PRKD1: variants seen among roughly 807,000 people sequenced by gnomAD.
PRKD1 encodes serine/threonine-protein kinase D1.
A neutral mutation model predicts 95.9 loss-of-function variants in PRKD1; 63 were observed. The observed-to-expected ratio is 0.66, with a 90% CI of 0.54 to 0.81. The LOEUF (loss-of-function observed/expected upper bound fraction) is 0.81. PRKD1 is among the 30% of genes least tolerant of loss of function. PRKD1 has a pLI of 0.00. For missense variants in PRKD1, 1,048 were observed against 1,165.3 expected (o/e 0.90, Z 1.47); for synonymous variants, 425 against 423.1 (o/e 1.00, Z -0.05).
At chr14:29,812,640 T>C (rs1454735352) in intron 1 of PRKD1, among the ~76,000 whole-genome samples, 2 of 152,098 alleles carry the variant, frequency 1.3e-5, no homozygotes, top group East Asian at 1.9e-4. Flanking sequence ...AAAAGTACCA[T>C]GTATAAAACC....
chr14:29,693,352 G>T (rs901522100), intron 2 of PRKD1, among the ~76,000 whole-genome samples: 2 of 151,972 alleles, frequency 1.3e-5, no homozygotes, highest in Non-Finnish European at 2.9e-5. Flanking sequence ...ATTCTTTGCT[G>T]CAAGTTTGGG....
chr14:29,899,065 T>C (rs955454181), intron 1 of PRKD1, among the ~76,000 whole-genome samples: 1 of 152,244 alleles, frequency 6.6e-6, no homozygotes, highest in Admixed American at 6.5e-5. Context: ...AAAATATTTA[T>C]ATCAAGATTA....
Position 29,626,468 on chromosome 14 carries a change from C to G in PRKD1, c.1798+16G>C. ...AAAATTTTAAGTTCATAAAAATACT[C>G]AGTGAGATAACCTACCTCCATAAAC... On this transcript the variant is annotated intron_variant, in intron 12 of 17. Coordinates refer to ENST00000331968, the MANE Select transcript of PRKD1 (RefSeq NM_002742.3). 6.3e-7 allele frequency: 1 copy of G among 1,592,484 alleles called. No individual in the cohort carries two copies. Among genetic ancestry groups the G allele is most frequent in the Admixed American group, 1.7e-5 (1 of 57,298 alleles).
intron 1 of PRKD1, among the ~76,000 whole-genome samples, chr14:29,876,982 T>C (rs1893319718): frequency 6.6e-6 from 1 of 152,224 alleles, no homozygotes; most frequent in Non-Finnish European, 1.5e-5. Flanking sequence ...TGAAACCCCG[T>C]GTCTACTAAA....
Position 29,804,266 on chromosome 14 carries a change from C to A in PRKD1, c.265-78592G>T, listed in dbSNP as rs1284469920. Among the ~76,000 whole-genome samples the A allele has an allele frequency of 4.0e-5, 6 of 151,018 alleles. No individual in the cohort carries two copies. The East Asian group carries it at 9.7e-4, about 25-fold the overall frequency. ...AAAAAAAAAAAATGTATGCAAAAGG[C>A]AAGAGAACAATCTAACAACATTGTT... On this transcript the variant is annotated intron_variant, in intron 1 of 17. Coordinates refer to ENST00000331968, the MANE Select transcript of PRKD1 (RefSeq NM_002742.3).
intron 1 of PRKD1, among the ~76,000 whole-genome samples, chr14:29,755,493 C>T (rs1953724): frequency 0.23 from 34,443 of 151,882 alleles, 4,146 homozygotes; most frequent in African/African-American, 0.28. Context: ...AGACAAACCC[C>T]GGCGACACAG....
At position 29,589,097 on chromosome 14, in the gene PRKD1, G is replaced by C. The variant is rs528939025; in HGVS notation, c.2434+8394C>G. The stretch of plus-strand genomic sequence containing the variant: ...GCATATAAAGGAATATGAAAACTCA[G>C]AAGGAAAAAAATAGCAACTTCTCTG... On this transcript the variant is annotated intron_variant, in intron 16 of 17. Transcript: ENST00000331968. Among the ~76,000 whole-genome samples the C allele has an allele frequency of 9.9e-5, 15 of 152,050 alleles. No individual in the cohort carries two copies. The East Asian group carries it at 2.1e-3, about 22-fold the overall frequency.
At chr14:29,603,744 A>T (rs561240486) in intron 13 of PRKD1, among the ~76,000 whole-genome samples, 1 of 152,332 alleles carries the variant, frequency 6.6e-6, no homozygotes, top group South Asian at 2.1e-4. Flanking sequence ...CAATCATGGC[A>T]TAGTAGTGTG....
chr14:29,752,247 T>G (rs1887510521), intron 1 of PRKD1, among the ~76,000 whole-genome samples: 1 of 152,180 alleles, frequency 6.6e-6, no homozygotes, highest in Non-Finnish European at 1.5e-5. Flanking sequence ...TCAATAAAAT[T>G]TATAAAGAAC....
chr14:29,663,299 A>G (rs964804383), intron 4 of PRKD1, among the ~76,000 whole-genome samples: 1 of 151,888 alleles, frequency 6.6e-6, no homozygotes, highest in African/African-American at 2.4e-5. Context: ...TGGTTTCACA[A>G]GAGCAAATTT....
At chr14:29,677,694 A>C (rs1004913746) in intron 2 of PRKD1, among the ~76,000 whole-genome samples, 15 of 152,010 alleles carry the variant, frequency 9.9e-5, no homozygotes, top group Admixed American at 8.5e-4. Context: ...CCTGCCTCAG[A>C]CTCCCGAATA....
chr14:29,793,379 C>T (rs1467119852), intron 1 of PRKD1, among the ~76,000 whole-genome samples: 2 of 152,048 alleles, frequency 1.3e-5, no homozygotes, highest in Non-Finnish European at 2.9e-5. Flanking sequence ...GTTCCCTGTT[C>T]TTCCTTCAGA....
intron 1 of PRKD1, among the ~76,000 whole-genome samples, chr14:29,843,222 T>C (rs1192695829): frequency 6.6e-6 from 1 of 152,136 alleles, no homozygotes; most frequent in Non-Finnish European, 1.5e-5. Flanking sequence ...AAAGACCATG[T>C]GAAGATACAG....
rs12892121 is a variant in PRKD1 at position 29,626,489 on chromosome 14, T to A, written c.1793A>T (p.Tyr598Phe). 3 of 1,610,944 alleles carry A rather than the reference T, an allele frequency of 1.9e-6. No homozygotes were observed. The highest frequency in any genetic ancestry group is 2.5e-6 in the Non-Finnish European group (3 of 1,178,382). ...VLGSGQFGIVYGGKHRKTGRD... is the reference protein window; with the variant it reads ...VLGSGQFGIVFGGKHRKTGRD... ...TACTCAGTGAGATAACCTACCTCCA[T>A]AAACAATTCCAAACTGTCCAGAACC... The change falls in exon 12 of 18, where the codon TAT becomes TTT. Residue 598 changes from tyrosine (Y) to phenylalanine (F), a missense_variant. Tyr to Phe is a conservative substitution (Grantham distance 22). Coordinates refer to ENST00000331968, the MANE Select transcript of PRKD1 (RefSeq NM_002742.3).
chr14:29,685,934 G>A (rs1403437120), intron 2 of PRKD1, among the ~76,000 whole-genome samples: 4 of 152,134 alleles, frequency 2.6e-5, no homozygotes, highest in Admixed American at 6.5e-5. Flanking sequence ...TCATTTTGAT[G>A]ATGATAGCTG....
chr14:29,584,933 C>T (rs565633089), intron 16 of PRKD1, among the ~76,000 whole-genome samples: 46 of 152,274 alleles, frequency 3.0e-4, no homozygotes, highest in African/African-American at 1.1e-3. Context: ...CATTTTCCCC[C>T]GACTTCTCTC....
At chr14:29,675,671 C>T (rs1377260993) in intron 2 of PRKD1, among the ~76,000 whole-genome samples, 1 of 152,120 alleles carries the variant, frequency 6.6e-6, no homozygotes, top group Non-Finnish European at 1.5e-5. Flanking sequence ...TGTAAAGACA[C>T]ATGCACACGT....
At chr14:29,831,184 T>C (rs1334352500) in intron 1 of PRKD1, among the ~76,000 whole-genome samples, 1 of 152,160 alleles carries the variant, frequency 6.6e-6, no homozygotes, top group Non-Finnish European at 1.5e-5. Flanking sequence ...AATACAACCC[T>C]ATTAGGTAAT....
chr14:29,665,968 T>C (rs7161262), intron 3 of PRKD1, 109 bp downstream of exon 3: 1 of 1,243,076 alleles, frequency 8.0e-7, no homozygotes, highest in Non-Finnish European at 1.1e-6. Context: ...TATCCACTCA[T>C]TGGTTGATGG....
Sources: allele counts gnomAD v4.1 joint callset (sites outside exome capture counted in the v4.1 genomes callset), GRCh38; gene constraint gnomAD v4.1.1; transcripts MANE v1.5; gene names NCBI Gene and HGNC (gene_info 2026-07-23, HGNC 2026-07-21).